BBS2: variants seen among roughly 807,000 people sequenced by gnomAD.
BBS2 encodes Bardet-Biedl syndrome 2, also known as BBSome complex member BBS2.
Under a neutral mutation model 83.0 loss-of-function variants are expected in BBS2, and 62 were observed. That is an observed-to-expected ratio of 0.75 (90% CI 0.61 to 0.92). The LOEUF is 0.92. Among genes scored for constraint, BBS2 ranks in the 40% least tolerant of loss-of-function variants. The pLI is 0.00. For missense variants in BBS2, 784 were observed against 901.0 expected (o/e 0.87, Z 1.66); for synonymous variants, 303 against 326.1 (o/e 0.93, Z 0.76).
chr16:56,472,220 T>C (rs1963230561), intron 17 of BBS2, among the ~76,000 whole-genome samples: 1 of 152,084 alleles, frequency 6.6e-6, no homozygotes, highest in Non-Finnish European at 1.5e-5. Flanking sequence ...TCCTCCTACC[T>C]TGTCCTCCCA....
At chr16:56,509,722 T>C (rs1964524167) in intron 5 of BBS2, 1 of 506,894 alleles carries the variant, frequency 2.0e-6, no homozygotes, top group African/African-American at 1.9e-5. Context: ...CTTTATGTAT[T>C]CAACTATATG....
intron 5 of BBS2, among the ~76,000 whole-genome samples, chr16:56,508,907 C>A (rs1202681744): frequency 6.6e-6 from 1 of 152,076 alleles, no homozygotes; most frequent in Non-Finnish European, 1.5e-5. Flanking sequence ...CCTTGGCCTC[C>A]CAAAGCACTG....
At chr16:56,506,827 T>C (rs1327848305) in intron 5 of BBS2, among the ~76,000 whole-genome samples, 1 of 152,256 alleles carries the variant, frequency 6.6e-6, no homozygotes, top group Non-Finnish European at 1.5e-5. Flanking sequence ...GAAATATTTA[T>C]AGGACTGTTC....
intron 15 of BBS2, among the ~76,000 whole-genome samples, chr16:56,494,665 A>G (rs1567570384): frequency 6.6e-6 from 1 of 152,178 alleles, no homozygotes; most frequent in South Asian, 2.1e-4. Flanking sequence ...ACAGACTGGA[A>G]AATCTAGCCG....
At chr16:56,516,330 T>C (rs1430862853) in intron 1 of BBS2, among the ~76,000 whole-genome samples, 1 of 152,200 alleles carries the variant, frequency 6.6e-6, no homozygotes, top group African/African-American at 2.4e-5. Context: ...CCCCTAAGCA[T>C]TACCATGAGA....
intron 9 of BBS2, 120 bp from the exon 10 acceptor site, chr16:56,501,617 A>G: frequency 7.6e-7 from 1 of 1,317,436 alleles, no homozygotes; most frequent in Non-Finnish European, 1.1e-6. Flanking sequence ...TTATTATTAT[A>G]GTAATCTGAT....
At chr16:56,495,346 C>T (rs1421681197) in intron 15 of BBS2, among the ~76,000 whole-genome samples, 2 of 152,156 alleles carry the variant, frequency 1.3e-5, no homozygotes, top group African/African-American at 2.4e-5. Context: ...TGCATGCTTC[C>T]TCATGGAAGT....
intron 17 of BBS2, chr16:56,475,499 C>T: frequency 6.2e-7 from 1 of 1,613,698 alleles, no homozygotes; most frequent in Non-Finnish European, 8.5e-7. Flanking sequence ...TTGTTTTTCT[C>T]TTGTAAGGCT....
intron 1 of BBS2, among the ~76,000 whole-genome samples, chr16:56,515,118 T>C (rs1452765010): frequency 6.6e-6 from 1 of 152,228 alleles, no homozygotes; most frequent in Non-Finnish European, 1.5e-5. Context: ...AATCACTTCC[T>C]AGACCTTAAA....
chr16:56,510,001 C>T lies in BBS2; in HGVS notation c.568G>A (p.Val190Ile). Residue 190 changes from valine (V) to isoleucine (I), a missense_variant, in exon 5 of 17, where the codon GTT (valine) becomes ATT (isoleucine). Coordinates refer to ENST00000245157, the MANE Select transcript of BBS2 (RefSeq NM_031885.5). Reference protein sequence around the residue: ...LVGSEDFDIRVFKEDEIVAEM... With the variant: ...LVGSEDFDIRIFKEDEIVAEM... ...GCCACAATCTCATCTTCCTTAAAAA[C>T]TCGGATATCAAAATCCTCAGATCCA... The T allele has an allele frequency of 1.2e-6, 2 of 1,614,142 alleles. No homozygotes were observed. The highest frequency in any genetic ancestry group is 1.3e-5 in the African/African-American group (1 of 75,066).
At chr16:56,475,993 T>C (rs1320516852) in intron 17 of BBS2, 3 of 1,509,558 alleles carry the variant, frequency 2.0e-6, no homozygotes, top group Non-Finnish European at 1.8e-6. Context: ...TCATCCAAGA[T>C]TTGAGAATAA....
At chr16:56,509,488 T>A in intron 5 of BBS2, 1 of 182,610 alleles carries the variant, frequency 5.5e-6, no homozygotes, top group Non-Finnish European at 1.2e-5. Flanking sequence ...GGTGATGGAG[T>A]AAAACTCTGC....
intron 9 of BBS2, chr16:56,502,035 C>T: frequency 2.1e-6 from 1 of 482,116 alleles, no homozygotes; most frequent in Non-Finnish European, 3.8e-6. Context: ...GCACATACTC[C>T]CTACTGCTGA....
chr16:56,478,079 A>G (rs1243834904), intron 17 of BBS2: 7 of 152,200 alleles, frequency 4.6e-5, no homozygotes, highest in African/African-American at 1.7e-4. Context: ...ATAAAAAGAA[A>G]TATCTAGAAC....
Position 56,497,774 on chromosome 16 carries a change from TAGAC to T in BBS2, c.1762_1765del (p.Val588IlefsTer9), listed in dbSNP as rs1964155109. The T allele has an allele frequency of 3.7e-6, 6 of 1,613,222 alleles. No homozygotes were observed. Among genetic ancestry groups the T allele is most frequent in the Middle Eastern group, 1.6e-4 (1 of 6,080 alleles). ...TAGCACCTTTCGTAATTCCTCAAAA[TAGAC>T]AGGAAAATCCGCTTCTACTTGAAGG... On this transcript the variant is annotated frameshift_variant, in exon 14 of 17. Transcript: ENST00000245157. LOFTEE classifies it high-confidence loss of function.
intron 15 of BBS2, among the ~76,000 whole-genome samples, chr16:56,490,661 T>C (rs1471140182): frequency 6.6e-6 from 1 of 152,008 alleles, no homozygotes; most frequent in Non-Finnish European, 1.5e-5. Flanking sequence ...AAATAAAGTA[T>C]TAAGAAAATG....
At chr16:56,507,144 C>T (rs1266306895) in intron 5 of BBS2, among the ~76,000 whole-genome samples, 2 of 152,162 alleles carry the variant, frequency 1.3e-5, no homozygotes, top group Non-Finnish European at 2.9e-5. Flanking sequence ...GTTCAACTGC[C>T]AAATGAATCA....
Position 56,487,064 on chromosome 16 carries a change from T to C in BBS2, c.1911-1326A>G, listed in dbSNP as rs534850618. Among the ~76,000 whole-genome samples the C allele has an allele frequency of 1.2e-4, 18 of 152,190 alleles. 1 individual carries two copies. The South Asian group carries it at 3.1e-3, about 26-fold the overall frequency. On this transcript the variant is annotated intron_variant, in intron 15 of 16. Coordinates refer to ENST00000245157, the MANE Select transcript of BBS2 (RefSeq NM_031885.5). ...CAAGTGTGAGCCACCCGGCCAGTGATAGAAATATCCTATATCTCGATTGTA... is the reference window on the plus strand; with the variant it reads ...CAAGTGTGAGCCACCCGGCCAGTGACAGAAATATCCTATATCTCGATTGTA...
Position 56,495,183 on chromosome 16 carries a change from A to C in BBS2, c.1910+1784T>G, listed in dbSNP as rs184344409. Among the ~76,000 whole-genome samples the C allele has an allele frequency of 5.8e-4, 89 of 152,294 alleles. 2 individuals carry two copies. The East Asian group carries it at 0.013, about 22-fold the overall frequency. On this transcript the variant is annotated intron_variant, in intron 15 of 16. Transcript: ENST00000245157. Reference sequence around the variant, plus strand: ...CAAATAATTCATTAATTCATGAGGGAACATTATTTTTCATAGAAGTATTTC... The same window carrying C: ...CAAATAATTCATTAATTCATGAGGGCACATTATTTTTCATAGAAGTATTTC...
Sources: gnomAD v4.1 joint callset for allele counts (sites outside exome capture counted in the v4.1 genomes callset) on GRCh38, gnomAD v4.1.1 for gene constraint, MANE v1.5 for transcripts, NCBI Gene and HGNC (gene_info 2026-07-23, HGNC 2026-07-21) for gene names.